The following SBF1 variants were observed in gnomAD, a reference collection of about 807,000 sequenced individuals.
SBF1 encodes SET binding factor 1.
A neutral mutation model predicts 215.8 loss-of-function variants in SBF1; 65 were observed. That is an observed-to-expected ratio of 0.30 (90% CI 0.25 to 0.37). The LOEUF is 0.37. Ranked by LOEUF, SBF1 falls within the 10% of genes least tolerant of loss-of-function variation. SBF1 has a pLI of 1.00. For synonymous variants in SBF1, 1,410 were observed against 1,122.8 expected, an observed-to-expected ratio of 1.26 and a Z score of -5.11; for missense variants, 2,634 against 2,667.8, an observed-to-expected ratio of 0.99 and a Z score of 0.28.
rs2067436083 is a variant in SBF1, at chr22:50,460,054, T to C, written c.3389A>G (p.Tyr1130Cys). Reference protein sequence around the residue: ...SLVERACCRDYQRLGLGTLSS... With the variant: ...SLVERACCRDCQRLGLGTLSS... ...CAGGGTGCCCAGACCGAGGCGCTGG[T>C]AGTCGCGACAGCAAGCCCTTTCCAC... Residue 1130 changes from tyrosine to cysteine, a missense_variant, in exon 26 of 41, where the codon TAC (tyrosine) becomes TGC (cysteine). Coordinates refer to ENST00000380817, the MANE Select transcript of SBF1 (RefSeq NM_002972.4). The C allele has an allele frequency of 6.2e-7, 1 of 1,613,864 alleles. No individual in the cohort carries two copies. Among genetic ancestry groups the C allele is most frequent in the Non-Finnish European group, 8.5e-7 (1 of 1,179,984 alleles).
In SBF1 at chr22:50,463,441, G is replaced by A; in HGVS notation, c.1750-9C>T. 1.3e-6 allele frequency: 2 copies of A among 1,558,982 alleles called. No individual in the cohort carries two copies. The highest frequency in any genetic ancestry group is 2.7e-5 in the African/African-American group (2 of 74,080). ...AACACGGCTGGGAGCAGCTGGGGGT[G>A]GGGAAAGGAGACACGGGCTGAGGGC... On this transcript the variant is annotated splice_polypyrimidine_tract_variant and intron_variant, in intron 15 of 40. Coordinates refer to ENST00000380817, the MANE Select transcript of SBF1 (RefSeq NM_002972.4).
chr22:50,474,892 G>C lies in SBF1; in HGVS notation c.-52C>G. On this transcript the variant is annotated 5_prime_UTR_variant, in exon 1 of 41. Transcript: ENST00000380817. ...GGCGCGGGCGGGCTCCGCGGCTCGG[G>C]GACTCGAGGACGGCGCGCTCATGGC... 6 of 1,259,686 alleles carry C rather than the reference G, an allele frequency of 4.8e-6. No homozygotes were observed. Among genetic ancestry groups the C allele is most frequent in the Middle Eastern group, 5.9e-4 (2 of 3,390 alleles). 78.0% of individuals were successfully genotyped at this position (1,259,686 alleles called of 1,614,324 possible). A position where few individuals can be genotyped will look rare whatever the true frequency, so the allele number is the denominator to read the frequency against.
At position 50,446,356 on chromosome 22, in the gene SBF1, T is replaced by TTCCCCCCCCCCCCCCCCCCC. The variant is rs2066808396; in HGVS notation, c.*785_*786insGGGGGGGGGGGGGGGGGGGA. On this transcript the variant is annotated 3_prime_UTR_variant, in exon 41 of 41. Transcript: ENST00000380817. The stretch of plus-strand genomic sequence containing the variant: ...CCTGCATTCCCCTGGGAGCCCACTG[T>TTCCCCCCCCCCCCCCCCCCC]CCCCCCCCCCCCCCCGCCTCCGGCC... 1 of 35,048 alleles carries TTCCCCCCCCCCCCCCCCCCC rather than the reference T, an allele frequency of 2.9e-5. No individual in the cohort carries two copies. Among genetic ancestry groups the TTCCCCCCCCCCCCCCCCCCC allele is most frequent in the Admixed American group, 2.7e-4 (1 of 3,666 alleles). 2.2% of individuals were successfully genotyped at this position (35,048 alleles called of 1,614,324 possible). A position where few individuals can be genotyped will look rare whatever the true frequency, so the allele number is the denominator to read the frequency against.
rs534965315 is a variant in SBF1, at chr22:50,445,600, T to C, written c.*1542A>G. On this transcript the variant is annotated 3_prime_UTR_variant, in exon 41 of 41. Coordinates refer to ENST00000380817, the MANE Select transcript of SBF1 (RefSeq NM_002972.4). Reference sequence around the variant, plus strand: ...CGTGGAACAGGGAGGGCAGGGTCCTTTCTCCCCTTACTCTGACCTGTGGGT... The same window carrying C: ...CGTGGAACAGGGAGGGCAGGGTCCTCTCTCCCCTTACTCTGACCTGTGGGT... The C allele has an allele frequency of 2.6e-5, 4 of 152,424 alleles. No individual in the cohort carries two copies. Among genetic ancestry groups the C allele is most frequent in the African/African-American group, 9.6e-5 (4 of 41,566 alleles). The allele number at this position is 152,424 out of a possible 1,614,324, so 9.4% of individuals were successfully genotyped here.
At position 50,467,334 on chromosome 22, in the gene SBF1, T is replaced by G; in HGVS notation, c.549+4A>C. The G allele has an allele frequency of 6.2e-7, 1 of 1,613,126 alleles. No homozygotes were observed. The highest frequency in any genetic ancestry group is 8.5e-7 in the Non-Finnish European group (1 of 1,179,388). ...TGCAGATACCAGCTGCCTCCAAAACTCACCTGCGAGCCCCCAGCCAGGGGC... is the reference window on the plus strand; with the variant it reads ...TGCAGATACCAGCTGCCTCCAAAACGCACCTGCGAGCCCCCAGCCAGGGGC... On this transcript the variant is annotated splice_donor_region_variant and intron_variant, in intron 5 of 40. Transcript: ENST00000380817.
rs1322988702 is a variant in SBF1 at position 50,462,380 on chromosome 22, T to C, written c.2221A>G (p.Lys741Glu). Residue 741 changes from lysine (K) to glutamate (E), a missense_variant, in exon 19 of 41, where the codon AAG (lysine) becomes GAG (glutamate). Physicochemically the swap from Lys to Glu is moderately conservative, Grantham distance 56 (BLOSUM62 1). Transcript: ENST00000380817. ...TCCTTCTGCACCAGCTCCTGCTGCT[T>C]CTCACGACTCAGAGTTGGCCACAAG... Reference protein sequence around the residue: ...RRLWPTLSREKQQELVQKEES... With the variant: ...RRLWPTLSREEQQELVQKEES... The C allele has an allele frequency of 6.2e-6, 10 of 1,614,000 alleles. No homozygotes were observed. Among genetic ancestry groups the C allele is most frequent in the Non-Finnish European group, 7.6e-6 (9 of 1,180,014 alleles).
rs530302170 is a variant in SBF1 at position 50,461,758 on chromosome 22, G to C, written c.2643+38C>G. The C allele has an allele frequency of 3.1e-6, 5 of 1,611,122 alleles. No homozygotes were observed. The East Asian group carries it at 8.9e-5, about 29-fold the overall frequency. ...GAGCAGGAGCTCAGGATGCAGCCCG[G>C]GCCTTGGGCCCCCGCAGCCCCAACG... On this transcript the variant is annotated intron_variant, in intron 21 of 40. Transcript: ENST00000380817.
intron 38 of SBF1, 131 bp from the exon 39 acceptor site, chr22:50,447,740 TAAG>T (rs2066890400): frequency 1.3e-5 from 9 of 669,792 alleles, no homozygotes; most frequent in Non-Finnish European, 2.3e-5. Context: ...AGAACTGACC[TAAG>T]CCCAGAGCAC....
rs373671262 is a variant in SBF1, at chr22:50,460,098, G to A, written c.3345C>T (p.Arg1115=). 84 of 1,613,684 alleles carry A rather than the reference G, an allele frequency of 5.2e-5. 1 individual carries two copies. In the East Asian group the frequency reaches 1.4e-3, roughly 26 times the overall value. ...TPSSALKPSD[R]MTMSSLVERA... is the part of the protein sequence containing the mutation. ...TTTCCACCAGGCTGCTCATGGTCAT[G>A]CGGTCGGAGGGCTTCAGGGCTGAGG... is the stretch of plus-strand genomic sequence containing the variant. Residue 1115 remains arginine (R), a synonymous_variant, in exon 26 of 41, where the codon CGC becomes CGT. Coordinates refer to ENST00000380817, the MANE Select transcript of SBF1 (RefSeq NM_002972.4).
intron 10 of SBF1, 103 bp from the exon 11 acceptor site, chr22:50,465,431 T>C: frequency 1.0e-6 from 1 of 959,834 alleles, no homozygotes; most frequent in East Asian, 2.6e-5. Flanking sequence ...GCTGCCCCGC[T>C]CCCATCCTTC....
Position 50,447,366 on chromosome 22 carries a change from T to A in SBF1, c.5539A>T (p.Thr1847Ser). ...EVEAVAPGTP[T>S]MGAPKTVDEK... is the part of the protein sequence containing the mutation. The stretch of plus-strand genomic sequence containing the variant: ...TCCACAGTCTTAGGGGCACCCATAG[T>A]GGGCGTGCCAGGTGCCACAGCCTCC... Residue 1847 changes from threonine to serine, a missense_variant, in exon 40 of 41, where the codon ACT (threonine) becomes TCT (serine). Transcript: ENST00000380817. The A allele has an allele frequency of 6.2e-7, 1 of 1,613,980 alleles. No individual in the cohort carries two copies. Among genetic ancestry groups the A allele is most frequent in the South Asian group, 1.1e-5 (1 of 91,088 alleles).
Position 50,448,215 on chromosome 22 carries a change from T to A in SBF1, c.5363+18A>T. ...CAGCTCAGAGGTGTCCATGTGGCAG[T>A]GGGAGGTGCCCTCATACCTGTTCTC... On this transcript the variant is annotated intron_variant, in intron 38 of 40. Transcript: ENST00000380817. 1 of 1,607,890 alleles carries A rather than the reference T, an allele frequency of 6.2e-7. No homozygotes were observed. Among genetic ancestry groups the A allele is most frequent in the Non-Finnish European group, 8.5e-7 (1 of 1,177,918 alleles).
chr22:50,469,726 A>T (rs559586616), intron 1 of SBF1, among the ~76,000 whole-genome samples: 1 of 152,242 alleles, frequency 6.6e-6, no homozygotes, highest in African/African-American at 2.4e-5. Flanking sequence ...TGCTCAACAC[A>T]GAGCCCCTCA....
Position 50,460,105 on chromosome 22 carries a change from G to C in SBF1, c.3338C>G (p.Ser1113Cys). The C allele has an allele frequency of 6.2e-7, 1 of 1,613,524 alleles. No homozygotes were observed. The highest frequency in any genetic ancestry group is 8.5e-7 in the Non-Finnish European group (1 of 1,179,990). Residue 1113 changes from serine to cysteine, a missense_variant, in exon 26 of 41, where the codon TCC becomes TGC. Transcript: ENST00000380817. The part of the protein sequence containing the change: ...TLTPSSALKP[S>C]DRMTMSSLVE... ...CAGGCTGCTCATGGTCATGCGGTCG[G>C]AGGGCTTCAGGGCTGAGGACGGGGT...
intron 11 of SBF1, 23 bp from the exon 12 acceptor site, chr22:50,465,152 T>G (rs1179858897): frequency 6.2e-7 from 1 of 1,613,804 alleles, no homozygotes; most frequent in African/African-American, 1.3e-5. Context: ...AGGAGGTCGG[T>G]CCCTCAGGGG....
rs1272824908 is a variant in SBF1, at chr22:50,464,310, G to A, written c.1749+19C>T. ...GAAACCCGCTGCCCTGGCCCGGCTG[G>A]AGCCTGCACAGCCCTCACCTTCTTG... On this transcript the variant is annotated intron_variant, in intron 15 of 40. Coordinates refer to ENST00000380817, the MANE Select transcript of SBF1 (RefSeq NM_002972.4). 6.3e-7 allele frequency: 1 copy of A among 1,598,040 alleles called. No homozygotes were observed. The highest frequency in any genetic ancestry group is 2.2e-5 in the East Asian group (1 of 44,726).
chr22:50,449,046 A>G (rs1376244257), intron 36 of SBF1, among the ~76,000 whole-genome samples: 2 of 152,082 alleles, frequency 1.3e-5, no homozygotes, highest in African/African-American at 4.8e-5. Context: ...AAAAATACAA[A>G]AAGTTAGCCC....
At chr22:50,466,570 G>A (rs926065503) in intron 6 of SBF1, 35 bp downstream of exon 6, 77 of 1,533,952 alleles carry the variant, frequency 5.0e-5, no homozygotes, top group Non-Finnish European at 6.7e-5. Flanking sequence ...AGTCCCCGAG[G>A]GGAAGCCATG....
intron 1 of SBF1, among the ~76,000 whole-genome samples, chr22:50,471,606 A>C (rs1397654217): frequency 6.6e-6 from 1 of 151,560 alleles, no homozygotes; most frequent in Non-Finnish European, 1.5e-5. Flanking sequence ...CACCCACCCA[A>C]CCCCAACGTG....
Sources: allele counts gnomAD v4.1 joint callset (sites outside exome capture counted in the v4.1 genomes callset), GRCh38; gene constraint gnomAD v4.1.1; transcripts MANE v1.5; gene names NCBI Gene and HGNC (gene_info 2026-07-23, HGNC 2026-07-21).